The following WNT2 variants were observed in gnomAD, a reference collection of about 807,000 sequenced individuals.
The protein encoded by WNT2 is protein Wnt-2.
A neutral mutation model predicts 36.9 loss-of-function variants in WNT2; 12 were observed. The observed-to-expected ratio is 0.33, with a 90% CI of 0.21 to 0.53. The LOEUF (loss-of-function observed/expected upper bound fraction) is 0.53, where lower values mean the gene tolerates loss of function less well. WNT2 is among the 20% of genes least tolerant of loss of function. The pLI is 0.95. For missense variants in WNT2, 379 were observed against 473.1 expected, an observed-to-expected ratio of 0.80 and a Z score of 1.84; for synonymous variants, 163 against 174.6, an observed-to-expected ratio of 0.93 and a Z score of 0.52.
At chr7:117,286,347 T>C (rs902206163) in intron 4 of WNT2, among the ~76,000 whole-genome samples, 2 of 152,234 alleles carry the variant, frequency 1.3e-5, no homozygotes, top group Admixed American at 6.5e-5. Flanking sequence ...TTTTTGCTAA[T>C]AGTTCCCAGA....
chr7:117,293,704 A>G (rs1468420219), intron 4 of WNT2, among the ~76,000 whole-genome samples: 1 of 152,048 alleles, frequency 6.6e-6, no homozygotes, highest in Non-Finnish European at 1.5e-5. Context: ...CGTTCACCAG[A>G]AAATAGGCCT....
At chr7:117,310,100 C>G (rs1165017798) in intron 3 of WNT2, among the ~76,000 whole-genome samples, 1 of 152,066 alleles carries the variant, frequency 6.6e-6, no homozygotes, top group African/African-American at 2.4e-5. Context: ...GTCATGAACT[C>G]AAGCATATTA....
chr7:117,322,398 C>T lies in WNT2; in HGVS notation c.83+509G>A, dbSNP rs1304427548. ...GGGGTGAACCTGGAATGTGGAAGGA[C>T]GGGAAATAATACAAAGTCACACGCT... On this transcript the variant is annotated intron_variant, in intron 1 of 4. Coordinates refer to ENST00000265441, the MANE Select transcript of WNT2 (RefSeq NM_003391.3). The surrounding 1 kb of genome is among the most constrained non-coding windows in gnomAD (Gnocchi z 5.4). Among the ~76,000 whole-genome samples, 1 of 150,860 alleles carries T rather than the reference C, an allele frequency of 6.6e-6. No homozygotes were observed. Among genetic ancestry groups the T allele is most frequent in the Non-Finnish European group, 1.5e-5 (1 of 67,810 alleles).
chr7:117,320,389 T>C, intron 2 of WNT2, 178 bp downstream of exon 2: 2 of 645,854 alleles, frequency 3.1e-6, no homozygotes, highest in Non-Finnish European at 2.7e-6. Flanking sequence ...TACAAACCTC[T>C]AGACATGTTC....
Position 117,320,604 on chromosome 7 carries a change from G to C in WNT2, c.273C>G (p.Asp91Glu). Reference protein sequence around the residue: ...RQHRWNCNTLDRDHSLFGRVL... With the variant: ...RQHRWNCNTLERDHSLFGRVL... ...CCCTGCCAAAAAGGCTGTGATCCCT[G>C]TCCAGGGTGTTGCAATTCCAGCGGT... is the stretch of plus-strand genomic sequence containing the variant. Residue 91 changes from aspartate to glutamate, a missense_variant, in exon 2 of 5, where the codon GAC becomes GAG. Coordinates refer to ENST00000265441, the MANE Select transcript of WNT2 (RefSeq NM_003391.3). The C allele has an allele frequency of 1.9e-6, 3 of 1,613,994 alleles. No individual in the cohort carries two copies. Among genetic ancestry groups the C allele is most frequent in the Non-Finnish European group, 8.5e-7 (1 of 1,179,958 alleles).
At position 117,304,092 on chromosome 7, in the gene WNT2, C is replaced by T. The variant is rs73714627; in HGVS notation, c.589-6216G>A. Among the ~76,000 whole-genome samples the T allele has an allele frequency of 2.2e-3, 335 of 152,318 alleles. 4 individuals are homozygous for T. Among genetic ancestry groups the T allele is most frequent in the African/African-American group, 7.1e-3 (294 of 41,570 alleles). The stretch of plus-strand genomic sequence containing the variant: ...GTACAGTGTTGAATAACTCCTTTAA[C>T]GTGGACGCATTTTCTGAATTCTTGC... On this transcript the variant is annotated intron_variant, in intron 3 of 4. Transcript: ENST00000265441.
chr7:117,310,938 AC>A (rs1353750626), intron 3 of WNT2, among the ~76,000 whole-genome samples: 4 of 152,160 alleles, frequency 2.6e-5, no homozygotes, highest in African/African-American at 9.7e-5. Context: ...TTTCTCCTTG[AC>A]TAAAATTTAG....
intron 4 of WNT2, among the ~76,000 whole-genome samples, chr7:117,291,395 T>C (rs1794687288): frequency 6.6e-6 from 1 of 152,192 alleles, no homozygotes. Context: ...GAAAGTGGCC[T>C]GTGATTAGGT....
rs569248749 is a variant in WNT2 at position 117,320,635 on chromosome 7, C to T, written c.242G>A (p.Arg81His). 2.4e-5 allele frequency: 39 copies of T among 1,613,932 alleles called. No homozygotes were observed. In the East Asian group the frequency reaches 2.9e-4, roughly 12 times the overall value. ...GGTGTTGCAATTCCAGCGGTGCTGG[C>T]GGAACTGGTGCTGGCATTCTGCTGT... is the stretch of plus-strand genomic sequence containing the variant. ...EWTAECQHQFRQHRWNCNTLD... is the reference protein window; with the variant it reads ...EWTAECQHQFHQHRWNCNTLD... The change falls in exon 2 of 5, where the codon CGC becomes CAC. Residue 81 changes from arginine to histidine, a missense_variant. By Grantham distance (29) the Arg-to-His change is conservative. Coordinates refer to ENST00000265441, the MANE Select transcript of WNT2 (RefSeq NM_003391.3).
rs565733090 is a variant in WNT2, at chr7:117,322,894, C to A, written c.83+13G>T. On this transcript the variant is annotated intron_variant, in intron 1 of 4. Coordinates refer to ENST00000265441, the MANE Select transcript of WNT2 (RefSeq NM_003391.3). This position sits in a 1 kb window ranked among gnomAD's most constrained non-coding sequence, Gnocchi z 5.4. ...ATCTCCAAAATCCCCCGCGCCCGTGCGCGTGGACTTACCACCATGAAGAGT... is the reference window on the plus strand; with the variant it reads ...ATCTCCAAAATCCCCCGCGCCCGTGAGCGTGGACTTACCACCATGAAGAGT... 1.2e-5 allele frequency: 20 copies of A among 1,613,318 alleles called. No individual in the cohort carries two copies. The South Asian group carries it at 1.6e-4, about 13-fold the overall frequency.
intron 4 of WNT2, among the ~76,000 whole-genome samples, chr7:117,282,459 AAGG>A (rs1794508232): frequency 6.7e-6 from 1 of 149,560 alleles, no homozygotes; most frequent in South Asian, 2.2e-4. Flanking sequence ...GGAGGAGAGG[AAGG>A]AGGAGGGGGA....
At chr7:117,307,315 G>A (rs537052721) in intron 3 of WNT2, among the ~76,000 whole-genome samples, 2 of 152,192 alleles carry the variant, frequency 1.3e-5, no homozygotes, top group South Asian at 4.2e-4. Flanking sequence ...ACACTACCAC[G>A]TAAGGTATAT....
intron 4 of WNT2, among the ~76,000 whole-genome samples, chr7:117,297,188 A>T (rs1563201577): frequency 6.6e-6 from 1 of 152,130 alleles, no homozygotes; most frequent in Admixed American, 6.5e-5. Context: ...GTGCACTGTC[A>T]ATCCATTTCT....
intron 4 of WNT2, among the ~76,000 whole-genome samples, chr7:117,281,050 A>T (rs1794475084): frequency 6.6e-6 from 1 of 152,192 alleles, no homozygotes; most frequent in African/African-American, 2.4e-5. Context: ...AGCATTAGAG[A>T]TAGGTGTAAA....
intron 4 of WNT2, among the ~76,000 whole-genome samples, chr7:117,295,296 A>G (rs1036737397): frequency 6.6e-6 from 1 of 152,180 alleles, no homozygotes; most frequent in South Asian, 2.1e-4. Flanking sequence ...CACCTTATAG[A>G]CTTTCTGTGA....
intron 4 of WNT2, 44 bp from the exon 5 acceptor site, chr7:117,278,428 A>C: frequency 6.4e-7 from 1 of 1,564,638 alleles, no homozygotes; most frequent in Non-Finnish European, 8.7e-7. Flanking sequence ...GTCTGGGTGG[A>C]ATCCAATATG....
At chr7:117,315,506 C>G (rs1795200132) in intron 2 of WNT2, among the ~76,000 whole-genome samples, 158 bp from the exon 3 acceptor site, 1 of 152,240 alleles carries the variant, frequency 6.6e-6, no homozygotes, top group African/African-American at 2.4e-5. Flanking sequence ...AGAGCCCAGG[C>G]TCTTTCTTTA....
chr7:117,321,833 C>T (rs1333342948), intron 1 of WNT2, among the ~76,000 whole-genome samples: 1 of 152,166 alleles, frequency 6.6e-6, no homozygotes, highest in Non-Finnish European at 1.5e-5. Flanking sequence ...TCAGCAATGT[C>T]AAGGCTAAAC....
At chr7:117,288,219 T>C (rs1028459934) in intron 4 of WNT2, among the ~76,000 whole-genome samples, 4 of 152,234 alleles carry the variant, frequency 2.6e-5, no homozygotes, top group African/African-American at 4.8e-5. Context: ...GTGGTATCAA[T>C]TTAAGGTTCT....
Sources: gnomAD v4.1 joint callset for allele counts (sites outside exome capture counted in the v4.1 genomes callset) on GRCh38, gnomAD v4.1.1 for gene constraint, Gnocchi (gnomAD v3.1) non-coding constraint, MANE v1.5 for transcripts, NCBI Gene and HGNC (gene_info 2026-07-23, HGNC 2026-07-21) for gene names.